ZMIZ1: variants seen among roughly 807,000 people sequenced by gnomAD.
ZMIZ1 encodes the protein zinc finger MIZ-type containing 1.
A neutral mutation model predicts 113.9 loss-of-function variants in ZMIZ1; 17 were observed. The ratio of observed to expected loss-of-function variants is 0.15; its 90% confidence interval spans 0.10 to 0.22. ZMIZ1 has a LOEUF of 0.22. Ranked by LOEUF, ZMIZ1 falls within the 10% of genes least tolerant of loss-of-function variation. The pLI is 1.00. For missense variants in ZMIZ1, 1,059 were observed against 1,477.8 expected (o/e 0.72, Z 4.65); for synonymous variants, 607 against 603.1 (o/e 1.01, Z -0.09).
intron 7 of ZMIZ1, among the ~76,000 whole-genome samples, chr10:79,235,667 C>T (rs963423242): frequency 3.9e-5 from 6 of 151,990 alleles, no homozygotes; most frequent in African/African-American, 1.2e-4. Flanking sequence ...GGGAAAGAGC[C>T]GACAAGTCCA....
chr10:79,210,243 G>C (rs11002870), intron 6 of ZMIZ1, among the ~76,000 whole-genome samples: 2 of 152,068 alleles, frequency 1.3e-5, no homozygotes, highest in African/African-American at 2.4e-5. Flanking sequence ...GCCTGACCCT[G>C]TCTATCTAGG....
chr10:79,258,644 G>T (rs1851066804), intron 7 of ZMIZ1, among the ~76,000 whole-genome samples: 1 of 152,220 alleles, frequency 6.6e-6, no homozygotes, highest in Non-Finnish European at 1.5e-5. Context: ...GAGGCAAAGT[G>T]GGACATAAAC....
Position 79,185,996 on chromosome 10 carries a change from T to C in ZMIZ1, c.-49-15588T>C, listed in dbSNP as rs532325275. On this transcript the variant is annotated intron_variant, in intron 4 of 24. Transcript: ENST00000334512. ...GGCCCGATGACCCCAAGAGTTACTG[T>C]TAGGAGACAAAACCAAACAGGAAAG... 2.0e-5 allele frequency among the ~76,000 whole-genome samples: 3 copies of C among 152,106 alleles called. No homozygotes were observed. The South Asian group carries it at 6.3e-4, about 32-fold the overall frequency.
chr10:79,209,873 A>G (rs750596550), intron 6 of ZMIZ1, among the ~76,000 whole-genome samples: 7 of 152,304 alleles, frequency 4.6e-5, no homozygotes, highest in Admixed American at 3.9e-4. Flanking sequence ...CTGTCTTCAG[A>G]GGGGATGCCC....
At chr10:79,172,169 T>TG (rs1176881804) in intron 4 of ZMIZ1, among the ~76,000 whole-genome samples, 8 of 152,130 alleles carry the variant, frequency 5.3e-5, no homozygotes, top group East Asian at 1.9e-4. Context: ...GGGTGCCTGC[T>TG]GGGGGCATCC....
At chr10:79,104,950 G>GGGGGGGTGTGTGTGTGTGTGT (rs1190362797) in intron 1 of ZMIZ1, among the ~76,000 whole-genome samples, 2 of 140,092 alleles carry the variant, frequency 1.4e-5, no homozygotes, top group African/African-American at 5.3e-5. Context: ...GTTGTTGTGG[G>GGGGGGGTGTGTGTGTGTGTGT]GTGTGTGTGT....
chr10:79,296,491 A>T lies in ZMIZ1; in HGVS notation c.1251A>T (p.Gln417His). The change falls in exon 13 of 25, where the codon CAA becomes CAT. Residue 417 changes from glutamine to histidine, a missense_variant. Physicochemically the swap from Gln to His is conservative, Grantham distance 24 (BLOSUM62 0). Transcript: ENST00000334512. This position sits in a 1 kb window ranked among gnomAD's most constrained non-coding sequence, Gnocchi z 4.1. ...YPGEPNYGNQ[Q>H]YGPNSQFPTQ... ...CACAGCCCAACTATGGAAACCAGCA[A>T]TATGGACCAAACAGCCAGTTCCCCA... is the stretch of plus-strand genomic sequence containing the variant. The T allele has an allele frequency of 2.5e-6, 4 of 1,613,940 alleles. No homozygotes were observed. The highest frequency in any genetic ancestry group is 1.7e-6 in the Non-Finnish European group (2 of 1,179,950).
At chr10:79,135,885 G>GCAACCCCCCCCCCC (rs1440234400) in intron 2 of ZMIZ1, among the ~76,000 whole-genome samples, 1 of 152,188 alleles carries the variant, frequency 6.6e-6, no homozygotes, top group African/African-American at 2.4e-5. Context: ...GGCCCTCTCG[G>GCAACCCCCCCCCCC]CCACCCACCC....
At position 79,163,777 on chromosome 10, in the gene ZMIZ1, G is replaced by A. The variant is rs559790339; in HGVS notation, c.-50+1644G>A. Among the ~76,000 whole-genome samples, 9 of 152,348 alleles carry A rather than the reference G, an allele frequency of 5.9e-5. No homozygotes were observed. The East Asian group carries it at 7.7e-4, about 13-fold the overall frequency. ...AGCCTTTGCCCAGCCCGCCAAGTCCGCTGCTCTCTGGAGCCAGAGGGTGGC... is the reference window on the plus strand; with the variant it reads ...AGCCTTTGCCCAGCCCGCCAAGTCCACTGCTCTCTGGAGCCAGAGGGTGGC... On this transcript the variant is annotated intron_variant, in intron 4 of 24. Coordinates refer to ENST00000334512, the MANE Select transcript of ZMIZ1 (RefSeq NM_020338.4).
chr10:79,314,184 C>T lies in ZMIZ1; in HGVS notation c.*1435C>T, dbSNP rs993073963. The T allele has an allele frequency of 3.9e-5, 18 of 456,966 alleles. 1 individual carries two copies. Among genetic ancestry groups the T allele is most frequent in the African/African-American group, 3.6e-4 (18 of 50,092 alleles). 28.3% of individuals were successfully genotyped at this position (456,966 alleles called of 1,614,324 possible). A position where few individuals can be genotyped will look rare whatever the true frequency, so the allele number is the denominator to read the frequency against. ...CATCTGGCTTACCACTCTCCAGGGC[C>T]TCCTGGGGAGCCTGTCCTGTGTTCA... On this transcript the variant is annotated 3_prime_UTR_variant, in exon 25 of 25. Coordinates refer to ENST00000334512, the MANE Select transcript of ZMIZ1 (RefSeq NM_020338.4).
intron 2 of ZMIZ1, among the ~76,000 whole-genome samples, chr10:79,126,078 C>T (rs985000817): frequency 1.3e-5 from 2 of 152,160 alleles, no homozygotes; most frequent in Non-Finnish European, 2.9e-5. Context: ...GACCTGGCTC[C>T]GTGGAGCCGC....
intron 7 of ZMIZ1, among the ~76,000 whole-genome samples, chr10:79,266,946 C>T (rs1307975677): frequency 6.6e-6 from 1 of 152,230 alleles, no homozygotes; most frequent in African/African-American, 2.4e-5. Context: ...AGTTCCTGCC[C>T]GTCTCCCACC....
chr10:79,143,167 C>T (rs1304156617), intron 3 of ZMIZ1, among the ~76,000 whole-genome samples: 1 of 152,104 alleles, frequency 6.6e-6, no homozygotes, highest in Non-Finnish European at 1.5e-5. Flanking sequence ...TCCTGACCTT[C>T]CAGGAGCTCC....
intron 1 of ZMIZ1, among the ~76,000 whole-genome samples, chr10:79,074,601 G>A (rs1456847179): frequency 6.6e-6 from 1 of 152,216 alleles, no homozygotes; most frequent in African/African-American, 2.4e-5. Context: ...GGGTCCCCAT[G>A]AAGCCCAGTG....
chr10:79,070,919 C>A (rs890361010), intron 1 of ZMIZ1, among the ~76,000 whole-genome samples: 8 of 151,296 alleles, frequency 5.3e-5, no homozygotes, highest in African/African-American at 1.9e-4. Context: ...TTTCCAATGC[C>A]CTGACATGAG....
chr10:79,117,441 T>C (rs973745182), intron 1 of ZMIZ1, among the ~76,000 whole-genome samples: 3 of 152,200 alleles, frequency 2.0e-5, no homozygotes, highest in African/African-American at 4.8e-5. Context: ...GATTTACCCG[T>C]AGTGTTGTTG....
At chr10:79,085,869 G>A (rs1014783279) in intron 1 of ZMIZ1, among the ~76,000 whole-genome samples, 3 of 152,172 alleles carry the variant, frequency 2.0e-5, no homozygotes, top group African/African-American at 7.2e-5. Context: ...CTGCTCCCTG[G>A]CTTTCTAGGG....
chr10:79,165,673 C>A (rs1204981275), intron 4 of ZMIZ1, among the ~76,000 whole-genome samples: 2 of 152,178 alleles, frequency 1.3e-5, no homozygotes, highest in Non-Finnish European at 2.9e-5. Context: ...CAGTGTGGGG[C>A]CCAAGCATTC....
At chr10:79,144,980 G>T (rs1012416422) in intron 3 of ZMIZ1, among the ~76,000 whole-genome samples, 2 of 151,114 alleles carry the variant, frequency 1.3e-5, no homozygotes, top group Non-Finnish European at 2.9e-5. Context: ...CCACCTCCTC[G>T]CCATCCCTCC....
Sources: gnomAD v4.1 joint callset for allele counts (sites outside exome capture counted in the v4.1 genomes callset) on GRCh38, gnomAD v4.1.1 for gene constraint, Gnocchi (gnomAD v3.1) non-coding constraint, MANE v1.5 for transcripts, NCBI Gene and HGNC (gene_info 2026-07-23, HGNC 2026-07-21) for gene names.